Variants in CCSER1 observed in about 807,000 individuals in gnomAD.
CCSER1 encodes serine-rich coiled-coil domain-containing protein 1.
A neutral mutation model predicts 82.0 loss-of-function variants in CCSER1; 41 were observed. That is an observed-to-expected ratio of 0.50 (90% CI 0.39 to 0.65). The LOEUF (loss-of-function observed/expected upper bound fraction) is 0.65, where lower values mean the gene tolerates loss of function less well. Ranked by LOEUF, CCSER1 falls within the 30% of genes least tolerant of loss-of-function variation. The probability of loss-of-function intolerance (pLI) is 0.00; values close to 1 mark genes in which losing one functional copy is unlikely to be tolerated. For missense variants in CCSER1, 1,119 were observed against 1,064.2 expected, an observed-to-expected ratio of 1.05 and a Z score of -0.72; for synonymous variants, 414 against 383.9, an observed-to-expected ratio of 1.08 and a Z score of -0.92.
chr4:90,494,701 A>C lies in CCSER1; in HGVS notation c.1724+26347A>C, dbSNP rs532459313. Among the ~76,000 whole-genome samples, 13 of 152,288 alleles carry C rather than the reference A, an allele frequency of 8.5e-5. No individual in the cohort carries two copies. The South Asian group carries it at 2.7e-3, about 32-fold the overall frequency. On this transcript the variant is annotated intron_variant, in intron 5 of 10. Coordinates refer to ENST00000509176, the MANE Select transcript of CCSER1 (RefSeq NM_001145065.2). ...GTATCTGGTATAGTTGGTGCTCAGT[A>C]ATTTTATTGAAGACTACCTATTTTT...
At chr4:91,248,237 A>G (rs942085508) in intron 10 of CCSER1, among the ~76,000 whole-genome samples, 3 of 152,234 alleles carry the variant, frequency 2.0e-5, no homozygotes, top group Non-Finnish European at 4.4e-5. Context: ...GGCAAATCTC[A>G]GCATAAAATT....
intron 9 of CCSER1, among the ~76,000 whole-genome samples, chr4:90,975,125 T>C (rs766657612): frequency 1.3e-5 from 2 of 151,398 alleles, no homozygotes; most frequent in Non-Finnish European, 3.0e-5. Flanking sequence ...ACATCACTTA[T>C]TGTATGATTC....
intron 9 of CCSER1, among the ~76,000 whole-genome samples, chr4:91,079,938 A>T (rs1049013787): frequency 6.6e-6 from 1 of 152,238 alleles, no homozygotes. Flanking sequence ...AGACCTAAAA[A>T]GGGACTTAGA....
chr4:90,132,925 T>A (rs1723049306), intron 1 of CCSER1, among the ~76,000 whole-genome samples: 1 of 152,220 alleles, frequency 6.6e-6, no homozygotes, highest in Non-Finnish European at 1.5e-5. Flanking sequence ...CTAGTGACAA[T>A]TCTTAACCTA....
intron 8 of CCSER1, among the ~76,000 whole-genome samples, chr4:90,871,483 C>T (rs1000838651): frequency 2.0e-5 from 3 of 151,676 alleles, no homozygotes; most frequent in Admixed American, 6.6e-5. Context: ...TTCAGAGATC[C>T]TCTTGTTATT....
chr4:90,970,043 CAAAG>C (rs1734946328), intron 9 of CCSER1, among the ~76,000 whole-genome samples: 1 of 150,322 alleles, frequency 6.7e-6, no homozygotes, highest in South Asian at 2.1e-4. Flanking sequence ...AAGAAAGAAA[CAAAG>C]AAACTGCAAA....
chr4:90,782,691 T>TTTTC, intron 7 of CCSER1, among the ~76,000 whole-genome samples: 1 of 147,038 alleles, frequency 6.8e-6, no homozygotes, highest in Non-Finnish European at 1.5e-5. Context: ...CTTTCTTTTT[T>TTTTC]TTTTTTTTTT....
intron 10 of CCSER1, among the ~76,000 whole-genome samples, chr4:91,210,757 C>T (rs1736750469): frequency 6.6e-6 from 1 of 151,708 alleles, no homozygotes; most frequent in Non-Finnish European, 1.5e-5. Flanking sequence ...CAGCTGAATC[C>T]ATTTGCTGTA....
chr4:90,242,572 G>A (rs1195673878), intron 1 of CCSER1, among the ~76,000 whole-genome samples: 2 of 152,204 alleles, frequency 1.3e-5, no homozygotes, highest in Admixed American at 1.3e-4. Context: ...TGAACCTAGT[G>A]AACAATGTAG....
At chr4:91,397,577 A>T (rs1395944055) in intron 10 of CCSER1, among the ~76,000 whole-genome samples, 1 of 152,036 alleles carries the variant, frequency 6.6e-6, no homozygotes, top group East Asian at 1.9e-4. Context: ...CTGTCAAGCC[A>T]TAAGTTTTTA....
At chr4:90,598,959 G>C (rs748915245) in intron 5 of CCSER1, among the ~76,000 whole-genome samples, 9 of 152,152 alleles carry the variant, frequency 5.9e-5, no homozygotes, top group Non-Finnish European at 1.3e-4. Flanking sequence ...GTGGCTACTG[G>C]CCATTAGAAC....
At chr4:91,330,588 G>A (rs6532298) in intron 10 of CCSER1, among the ~76,000 whole-genome samples, 115,360 of 152,106 alleles carry the variant, frequency 0.76, 44,075 homozygotes, top group East Asian at 0.89. Context: ...ATGCTGTAAA[G>A]GCTAACTTAT....
At chr4:90,745,229 C>A (rs2149456886) in intron 7 of CCSER1, among the ~76,000 whole-genome samples, 1 of 152,212 alleles carries the variant, frequency 6.6e-6, no homozygotes, top group South Asian at 2.1e-4. Flanking sequence ...GCTTTGTAGA[C>A]CCCGTCTATC....
At chr4:90,307,194 T>G (rs1339792099) in intron 1 of CCSER1, among the ~76,000 whole-genome samples, 1 of 152,146 alleles carries the variant, frequency 6.6e-6, no homozygotes, top group Admixed American at 6.5e-5. Flanking sequence ...TAGCAGTTGA[T>G]GAGTTGTAGC....
intron 8 of CCSER1, among the ~76,000 whole-genome samples, chr4:90,845,927 C>CT (rs1763186547): frequency 6.6e-6 from 1 of 151,780 alleles, no homozygotes; most frequent in Non-Finnish European, 1.5e-5. Context: ...TATACAAATG[C>CT]TGAGTCATTA....
chr4:91,497,945 C>A (rs939559503), intron 10 of CCSER1, among the ~76,000 whole-genome samples: 3 of 151,904 alleles, frequency 2.0e-5, no homozygotes, highest in Non-Finnish European at 4.4e-5. Flanking sequence ...AAGTATTGAG[C>A]ATTACACTTT....
chr4:91,466,016 A>T (rs1033282416), intron 10 of CCSER1, among the ~76,000 whole-genome samples: 3 of 152,348 alleles, frequency 2.0e-5, no homozygotes, highest in Admixed American at 6.5e-5. Context: ...GGCCAGCATC[A>T]TCCTGATACC....
intron 10 of CCSER1, among the ~76,000 whole-genome samples, chr4:91,191,314 A>G (rs943710576): frequency 1.3e-5 from 2 of 152,204 alleles, no homozygotes; most frequent in Middle Eastern, 6.8e-3. Flanking sequence ...CTGTTCTTAT[A>G]TTTAAACCTT....
intron 9 of CCSER1, among the ~76,000 whole-genome samples, chr4:90,957,591 A>G (rs145652920): frequency 0.026 from 3,419 of 130,580 alleles, 92 homozygotes; most frequent in African/African-American, 0.077. Flanking sequence ...ATATATTATT[A>G]TTTATATTAT....
Sources: allele counts gnomAD v4.1 joint callset (sites outside exome capture counted in the v4.1 genomes callset), GRCh38; gene constraint gnomAD v4.1.1; transcripts MANE v1.5; gene names NCBI Gene and HGNC (gene_info 2026-07-23, HGNC 2026-07-21).